Variants in AFG1L observed in about 807,000 individuals in gnomAD.
AFG1L encodes the protein AFG1-like ATPase.
A neutral mutation model predicts 62.2 loss-of-function variants in AFG1L; 53 were observed. That is an observed-to-expected ratio of 0.85 (90% CI 0.68 to 1.07). The LOEUF (loss-of-function observed/expected upper bound fraction) is 1.07, where lower values mean the gene tolerates loss of function less well. Among genes scored for constraint, AFG1L ranks in the 50% least tolerant of loss-of-function variants. The pLI is 0.00. For missense variants in AFG1L, 555 were observed against 590.5 expected (o/e 0.94, Z 0.62); for synonymous variants, 228 against 210.3 (o/e 1.08, Z -0.73).
At chr6:108,303,544 G>A (rs1777090247) in intron 1 of AFG1L, among the ~76,000 whole-genome samples, 1 of 152,140 alleles carries the variant, frequency 6.6e-6, no homozygotes, top group African/African-American at 2.4e-5. Context: ...TCAATTTCCA[G>A]AATCTCTTTC....
intron 10 of AFG1L, among the ~76,000 whole-genome samples, chr6:108,482,383 C>CTTA (rs1368051424): frequency 3.3e-5 from 5 of 152,068 alleles, no homozygotes; most frequent in African/African-American, 9.7e-5. Context: ...TTTTTTAGAA[C>CTTA]AGTTTTGGGC....
intron 8 of AFG1L, among the ~76,000 whole-genome samples, chr6:108,469,050 A>G (rs1288846423): frequency 1.3e-5 from 2 of 152,064 alleles, no homozygotes; most frequent in African/African-American, 4.8e-5. Context: ...TACCTTTGGA[A>G]ATACTTGGTT....
chr6:108,393,944 T>C (rs1472448733), intron 6 of AFG1L, among the ~76,000 whole-genome samples: 1 of 152,088 alleles, frequency 6.6e-6, no homozygotes. Flanking sequence ...CCACAACTAA[T>C]AGAGTGAACA....
At chr6:108,487,030 T>C (rs1453908426) in intron 10 of AFG1L, among the ~76,000 whole-genome samples, 2 of 152,152 alleles carry the variant, frequency 1.3e-5, no homozygotes, top group Non-Finnish European at 2.9e-5. Context: ...CTTAAGTACT[T>C]CTCTATCTGT....
intron 11 of AFG1L, among the ~76,000 whole-genome samples, chr6:108,518,437 G>A (rs1299093042): frequency 6.8e-6 from 1 of 147,516 alleles, no homozygotes; most frequent in Non-Finnish European, 1.5e-5. Context: ...ACTCATAGGT[G>A]GAAATTGAAC....
chr6:108,453,972 C>T (rs1003571569), intron 8 of AFG1L, among the ~76,000 whole-genome samples: 4 of 152,174 alleles, frequency 2.6e-5, no homozygotes, highest in South Asian at 2.1e-4. Flanking sequence ...TGCTTAAGTC[C>T]GGCCCCCTTC....
chr6:108,383,085 A>G (rs1780617405), intron 6 of AFG1L, among the ~76,000 whole-genome samples: 1 of 152,144 alleles, frequency 6.6e-6, no homozygotes, highest in Non-Finnish European at 1.5e-5. Context: ...TAAAAATACA[A>G]AAAAATTTGT....
chr6:108,477,130 TA>T, intron 9 of AFG1L, 61 bp from the exon 10 acceptor site: 1 of 1,157,278 alleles, frequency 8.6e-7, no homozygotes, highest in Non-Finnish European at 1.3e-6. Flanking sequence ...TTCCTATCTG[TA>T]AGAGATGAAT....
intron 11 of AFG1L, among the ~76,000 whole-genome samples, chr6:108,511,133 G>A (rs972142533): frequency 7.0e-6 from 1 of 142,728 alleles, no homozygotes; most frequent in Non-Finnish European, 1.6e-5. Context: ...GAAGGAGGAG[G>A]AGGAGGAGGA....
chr6:108,463,540 A>G (rs1772549014), intron 8 of AFG1L, among the ~76,000 whole-genome samples: 2 of 152,140 alleles, frequency 1.3e-5, no homozygotes, highest in Non-Finnish European at 2.9e-5. Flanking sequence ...GAAAAATACA[A>G]TATATAGATT....
At position 108,402,237 on chromosome 6, in the gene AFG1L, G is replaced by A. The variant is rs546674207; in HGVS notation, c.807+183G>A. Among the ~76,000 whole-genome samples, 338 of 152,066 alleles carry A rather than the reference G, an allele frequency of 2.2e-3. No homozygotes were observed. Among genetic ancestry groups the A allele is most frequent in the Non-Finnish European group, 3.2e-3 (220 of 67,988 alleles). On this transcript the variant is annotated intron_variant, in intron 7 of 12. Coordinates refer to ENST00000368977, the MANE Select transcript of AFG1L (RefSeq NM_145315.5). The stretch of plus-strand genomic sequence containing the variant: ...CCCAGCACTTTGGGAGGCCAAGGTG[G>A]GCGGATCACAAGGTCAGGAGTTCAA...
At chr6:108,329,939 G>C (rs1035843225) in intron 2 of AFG1L, among the ~76,000 whole-genome samples, 1 of 152,106 alleles carries the variant, frequency 6.6e-6, no homozygotes, top group Non-Finnish European at 1.5e-5. Context: ...GTCATGAATG[G>C]ATTAGTCCAT....
chr6:108,396,879 G>T (rs544271626), intron 6 of AFG1L, among the ~76,000 whole-genome samples: 2 of 152,164 alleles, frequency 1.3e-5, no homozygotes, highest in Admixed American at 1.3e-4. Context: ...TGGAAAACTG[G>T]ATATACCATC....
chr6:108,404,993 G>T (rs763604810), intron 7 of AFG1L, among the ~76,000 whole-genome samples: 3 of 152,166 alleles, frequency 2.0e-5, no homozygotes, highest in East Asian at 3.8e-4. Context: ...GCCTCCCAAA[G>T]TGCTGGGAGT....
intron 2 of AFG1L, among the ~76,000 whole-genome samples, chr6:108,345,500 C>T (rs1467739305): frequency 3.9e-5 from 6 of 151,924 alleles, no homozygotes; most frequent in South Asian, 2.1e-4. Context: ...GCTGGGACTG[C>T]GGGAGTACAT....
intron 6 of AFG1L, among the ~76,000 whole-genome samples, chr6:108,381,278 ATTAT>A (rs1466603383): frequency 6.6e-6 from 1 of 152,154 alleles, no homozygotes; most frequent in Non-Finnish European, 1.5e-5. Context: ...CTTCAAGTAA[ATTAT>A]TCATTCAGCA....
intron 2 of AFG1L, among the ~76,000 whole-genome samples, chr6:108,343,699 A>T (rs983879429): frequency 1.2e-4 from 18 of 152,272 alleles, no homozygotes; most frequent in Non-Finnish European, 2.4e-4. Flanking sequence ...CCATTGCATG[A>T]TAATGGTTCA....
At chr6:108,385,342 C>G (rs989453613) in intron 6 of AFG1L, among the ~76,000 whole-genome samples, 2 of 152,222 alleles carry the variant, frequency 1.3e-5, no homozygotes, top group Non-Finnish European at 2.9e-5. Context: ...GAACACCTGG[C>G]CCACCCAGGG....
chr6:108,457,914 CCTCT>C (rs1343828098), intron 8 of AFG1L, among the ~76,000 whole-genome samples: 2 of 149,548 alleles, frequency 1.3e-5, no homozygotes, highest in African/African-American at 4.9e-5. Flanking sequence ...TTCCTTCCTT[CCTCT>C]CTCTTTCTTC....
Sources: gnomAD v4.1 joint callset for allele counts (sites outside exome capture counted in the v4.1 genomes callset) on GRCh38, gnomAD v4.1.1 for gene constraint, MANE v1.5 for transcripts, NCBI Gene and HGNC (gene_info 2026-07-23, HGNC 2026-07-21) for gene names.